The following HIVEP3 variants were observed in gnomAD, a reference collection of about 807,000 sequenced individuals.
The protein encoded by HIVEP3 is HIVEP zinc finger 3.
A neutral mutation model predicts 152.8 loss-of-function variants in HIVEP3; 49 were observed. The observed-to-expected ratio is 0.32, with a 90% confidence interval of 0.26 to 0.41. The LOEUF (loss-of-function observed/expected upper bound fraction) is 0.41. HIVEP3 is among the 10% of genes least tolerant of loss of function. The pLI is 1.00. For missense variants in HIVEP3, 2,790 were observed against 3,103.3 expected (o/e 0.90, Z 2.40); for synonymous variants, 1,269 against 1,289.0 (o/e 0.98, Z 0.33).
intron 1 of HIVEP3, among the ~76,000 whole-genome samples, chr1:41,832,032 A>G (rs751268156): frequency 1.3e-5 from 2 of 152,070 alleles, no homozygotes; most frequent in East Asian, 1.9e-4. Flanking sequence ...AGCTGTCTCA[A>G]TTTTCTTAAA....
intron 1 of HIVEP3, among the ~76,000 whole-genome samples, chr1:41,843,503 GA>G (rs796078826): frequency 2.2e-4 from 33 of 151,828 alleles, no homozygotes; most frequent in African/African-American, 7.2e-4. Context: ...CTCCAGTAAA[GA>G]ATGTGAAACC....
chr1:41,584,193 G>T lies in HIVEP3; in HGVS notation c.605C>A (p.Ala202Asp). The stretch of plus-strand genomic sequence containing the variant: ...GTGCTTCTGGAGCACGCTGGGCTTG[G>T]CACAGGGCCGGCTGCAGTACTGGCA... The part of the protein sequence containing the change: ...YICQYCSRPC[A>D]KPSVLQKHIR... Residue 202 changes from alanine (A) to aspartate (D), a missense_variant, in exon 4 of 9, where the codon GCC (alanine) becomes GAC (aspartate). Around this residue, in one of 9 missense-constraint regions of HIVEP3, gnomAD observed 25 missense variants for 75.9 expected, o/e 0.33. Coordinates refer to ENST00000372583, the MANE Select transcript of HIVEP3 (RefSeq NM_024503.5). This position sits in a 1 kb window ranked among gnomAD's most constrained non-coding sequence, Gnocchi z 5.2. The T allele has an allele frequency of 1.2e-6, 2 of 1,614,196 alleles. No homozygotes were observed. Among genetic ancestry groups the T allele is most frequent in the Non-Finnish European group, 1.7e-6 (2 of 1,180,050 alleles).
rs1176139862 is a variant in HIVEP3, at chr1:41,993,356, T to C, written n.119+42451A>G. On this transcript the variant is annotated intron_variant and non_coding_transcript_variant, in intron 1 of 3. Transcript: ENST00000489103. ...TGGGCAAAGGACATGAACAGACACT[T>C]CTCAAAAGAAGACATTTATGCAGCC... is the stretch of plus-strand genomic sequence containing the variant. Among the ~76,000 whole-genome samples the C allele has an allele frequency of 4.7e-5, 7 of 150,366 alleles. No individual in the cohort carries two copies. In the East Asian group the frequency reaches 1.4e-3, roughly 30 times the overall value.
At chr1:41,603,495 G>C (rs1416502529) in intron 3 of HIVEP3, among the ~76,000 whole-genome samples, 1 of 151,980 alleles carries the variant, frequency 6.6e-6, no homozygotes, top group Non-Finnish European at 1.5e-5. Flanking sequence ...CAGCAGCTGG[G>C]ATTACAGGCA....
chr1:41,944,282 G>A (rs1645062921), intron 1 of HIVEP3, among the ~76,000 whole-genome samples: 1 of 152,182 alleles, frequency 6.6e-6, no homozygotes, highest in Non-Finnish European at 1.5e-5. Context: ...TTTGTTATGT[G>A]TATTTTGTCA....
chr1:41,507,460 C>T lies in HIVEP3; in HGVS notation c.*2991G>A, dbSNP rs754571981. ...AGCGCAGGCCTGGGGGGCAAGGACTCACCAACCAAAGGCAAGGTTTGGCTC... is the reference window on the plus strand; with the variant it reads ...AGCGCAGGCCTGGGGGGCAAGGACTTACCAACCAAAGGCAAGGTTTGGCTC... On this transcript the variant is annotated 3_prime_UTR_variant, in exon 9 of 9. Transcript: ENST00000372583. 46 of 152,534 alleles carry T rather than the reference C, an allele frequency of 3.0e-4. No homozygotes were observed. Among genetic ancestry groups the T allele is most frequent in the Non-Finnish European group, 5.1e-4 (35 of 68,198 alleles). 9.4% of individuals were successfully genotyped at this position (152,534 alleles called of 1,614,324 possible). A position where few individuals can be genotyped will look rare whatever the true frequency, so the allele number is the denominator to read the frequency against.
chr1:41,542,181 T>G (rs1179630797), intron 5 of HIVEP3: 1 of 152,254 alleles, frequency 6.6e-6, no homozygotes, highest in Non-Finnish European at 1.5e-5. Flanking sequence ...AAAGCGAAGC[T>G]AATGGTTTCG....
intron 5 of HIVEP3, among the ~76,000 whole-genome samples, chr1:41,556,836 C>A (rs1324973680): frequency 6.6e-6 from 1 of 152,208 alleles, no homozygotes. Context: ...ATGAGTCCAA[C>A]TTCACCTTTT....
chr1:41,791,635 T>C (rs2124299251), intron 1 of HIVEP3, among the ~76,000 whole-genome samples: 1 of 152,296 alleles, frequency 6.6e-6, no homozygotes, highest in Non-Finnish European at 1.5e-5. Context: ...GGTGCTACCA[T>C]ATACCAAGGC....
At chr1:41,786,126 C>T (rs1649334479) in intron 1 of HIVEP3, among the ~76,000 whole-genome samples, 1 of 152,236 alleles carries the variant, frequency 6.6e-6, no homozygotes, top group Non-Finnish European at 1.5e-5. Context: ...GGCATGGATC[C>T]TGGCTCAGCT....
At chr1:41,828,105 G>T (rs959252040) in intron 1 of HIVEP3, among the ~76,000 whole-genome samples, 1 of 152,218 alleles carries the variant, frequency 6.6e-6, no homozygotes, top group African/African-American at 2.4e-5. Flanking sequence ...GAGTTCCTGG[G>T]ATGATGCCGG....
At chr1:41,730,492 G>C (rs574438292) in intron 1 of HIVEP3, among the ~76,000 whole-genome samples, 29 of 152,364 alleles carry the variant, frequency 1.9e-4, no homozygotes, top group African/African-American at 6.7e-4. Flanking sequence ...CTCCCCATCA[G>C]CACTCAGTCC....
intron 1 of HIVEP3, among the ~76,000 whole-genome samples, chr1:41,726,954 C>T (rs964031438): frequency 5.9e-5 from 9 of 152,084 alleles, no homozygotes; most frequent in African/African-American, 1.7e-4. Flanking sequence ...CTCCAGAGGG[C>T]GTAAGTGATA....
At chr1:42,001,897 G>A (rs959486639) in intron 1 of HIVEP3, among the ~76,000 whole-genome samples, 1 of 151,886 alleles carries the variant, frequency 6.6e-6, no homozygotes, top group African/African-American at 2.4e-5. Context: ...TCCATCAACT[G>A]GGGGGTAGCC....
At chr1:41,694,610 A>G (rs1558186176) in intron 2 of HIVEP3, among the ~76,000 whole-genome samples, 1 of 152,238 alleles carries the variant, frequency 6.6e-6, no homozygotes. Context: ...GAATGAGAGA[A>G]GTGGCTCACT....
At chr1:41,959,789 G>A (rs1305703863) in intron 1 of HIVEP3, among the ~76,000 whole-genome samples, 2 of 152,098 alleles carry the variant, frequency 1.3e-5, no homozygotes, top group African/African-American at 4.8e-5. Flanking sequence ...TGCTCCACGG[G>A]GCTAGAGATG....
At chr1:41,624,359 G>A (rs766113402) in intron 3 of HIVEP3, among the ~76,000 whole-genome samples, 1 of 152,224 alleles carries the variant, frequency 6.6e-6, no homozygotes, top group Non-Finnish European at 1.5e-5. Flanking sequence ...TATTCTAACA[G>A]AAAACGAGCA....
chr1:41,904,036 A>G (rs1644670535), intron 1 of HIVEP3, among the ~76,000 whole-genome samples: 1 of 151,570 alleles, frequency 6.6e-6, no homozygotes. Flanking sequence ...AGCTGGGATT[A>G]CAGGCATGTG....
At chr1:41,641,668 G>C (rs1003208222) in intron 2 of HIVEP3, among the ~76,000 whole-genome samples, 1 of 152,118 alleles carries the variant, frequency 6.6e-6, no homozygotes. Context: ...GTTTCGAGTC[G>C]GTGAACCAGA....
Sources: allele counts gnomAD v4.1 joint callset (sites outside exome capture counted in the v4.1 genomes callset), GRCh38; gene constraint gnomAD v4.1.1; regional missense constraint gnomAD v4.1.1; non-coding constraint Gnocchi (gnomAD v3.1); transcripts MANE v1.5; gene names NCBI Gene and HGNC (gene_info 2026-07-23, HGNC 2026-07-21).